NMS: variants seen among roughly 807,000 people sequenced by gnomAD.
NMS encodes the protein neuromedin S.
In NMS, 30 loss-of-function variants were observed where a neutral mutation model predicts 32.2. The observed-to-expected ratio is 0.93, with a 90% CI of 0.70 to 1.26. The LOEUF (loss-of-function observed/expected upper bound fraction) is 1.26. NMS is among the 50% of genes most tolerant of loss of function. The pLI is 0.00. For missense variants in NMS, 190 were observed against 186.3 expected (o/e 1.02, Z -0.12); for synonymous variants, 76 against 58.5 (o/e 1.30, Z -1.37).
At chr2:100,477,688 A>T (rs941139137) in intron 5 of NMS, among the ~76,000 whole-genome samples, 1 of 152,198 alleles carries the variant, frequency 6.6e-6, no homozygotes, top group Admixed American at 6.5e-5. Flanking sequence ...GCACTTAAAC[A>T]GAGGTAAGGA....
intron 8 of NMS, 87 bp from the exon 9 acceptor site, chr2:100,482,190 G>C: frequency 2.3e-6 from 3 of 1,313,772 alleles, no homozygotes; most frequent in Non-Finnish European, 3.3e-6. Context: ...TGAGGCCTTA[G>C]GGTTCAACAG....
chr2:100,475,942 T>A (rs779040795), intron 3 of NMS, among the ~76,000 whole-genome samples: 3 of 145,446 alleles, frequency 2.1e-5, no homozygotes, highest in Non-Finnish European at 4.5e-5. Flanking sequence ...GAGGCTGCAG[T>A]GAGCCAATAT....
intron 3 of NMS, among the ~76,000 whole-genome samples, chr2:100,474,307 C>A (rs1677064794): frequency 6.6e-6 from 1 of 152,020 alleles, no homozygotes; most frequent in Non-Finnish European, 1.5e-5. Context: ...CATAATTTCA[C>A]CTTGAGCCAC....
chr2:100,483,173 T>A, intron 9 of NMS, 79 bp from the exon 10 acceptor site: 1 of 1,300,044 alleles, frequency 7.7e-7, no homozygotes, highest in Non-Finnish European at 1.1e-6. Context: ...ATATGTTACA[T>A]AATAACCTGC....
At chr2:100,481,091 G>A (rs775752868) in intron 7 of NMS, 35 bp from the exon 8 acceptor site, 3 of 1,609,142 alleles carry the variant, frequency 1.9e-6, no homozygotes, top group Non-Finnish European at 2.6e-6. Flanking sequence ...AATGCAATAT[G>A]GTTGCATAAT....
chr2:100,478,223 A>G (rs975387563), intron 5 of NMS, among the ~76,000 whole-genome samples: 4 of 152,112 alleles, frequency 2.6e-5, no homozygotes, highest in Non-Finnish European at 2.9e-5. Flanking sequence ...TGGCCTCCCA[A>G]AGTGCTGGGA....
chr2:100,475,121 C>T (rs1417604560), intron 3 of NMS, among the ~76,000 whole-genome samples: 1 of 152,160 alleles, frequency 6.6e-6, no homozygotes, highest in African/African-American at 2.4e-5. Context: ...CTCCATTTTT[C>T]CAAGTCTATC....
Position 100,476,785 on chromosome 2 carries a change from G to C in NMS, c.184-459G>C, listed in dbSNP as rs139853875. On this transcript the variant is annotated intron_variant, in intron 3 of 9. Coordinates refer to ENST00000376865, the MANE Select transcript of NMS (RefSeq NM_001011717.1). ...GTGCACTGGCAAGGATTTAGAAACG[G>C]AAAATTGGACTTTCTGCAAGGATAG... Among the ~76,000 whole-genome samples the C allele has an allele frequency of 3.7e-3, 563 of 152,300 alleles. 2 individuals carry two copies. Among genetic ancestry groups the C allele is most frequent in the African/African-American group, 0.012 (514 of 41,568 alleles).
At chr2:100,473,837 A>G (rs1434472342) in intron 3 of NMS, among the ~76,000 whole-genome samples, 1 of 152,164 alleles carries the variant, frequency 6.6e-6, no homozygotes, top group Non-Finnish European at 1.5e-5. Flanking sequence ...AAATTGATAT[A>G]CCATGATATA....
chr2:100,482,255 A>AAGTTGC, intron 8 of NMS, 22 bp from the exon 9 acceptor site: 1 of 1,612,742 alleles, frequency 6.2e-7, no homozygotes, highest in Non-Finnish European at 8.5e-7. Flanking sequence ...CAGTATTCAT[A>AAGTTGC]AGTTGCTCCT....
At chr2:100,470,748 CT>C (rs971428950) in intron 1 of NMS, among the ~76,000 whole-genome samples, 184 bp downstream of exon 1, 3 of 152,192 alleles carry the variant, frequency 2.0e-5, no homozygotes, top group African/African-American at 7.2e-5. Context: ...ATGCTGCAGC[CT>C]TTTACTAAAG....
chr2:100,477,019 A>G (rs2104335080), intron 3 of NMS, among the ~76,000 whole-genome samples: 1 of 152,304 alleles, frequency 6.6e-6, no homozygotes, highest in South Asian at 2.1e-4. Context: ...AAATGAGATT[A>G]TATTTTCACA....
At chr2:100,480,367 C>T in intron 6 of NMS, 129 bp from the exon 7 acceptor site, 1 of 897,108 alleles carries the variant, frequency 1.1e-6, no homozygotes. Context: ...CCATGCTCTC[C>T]ACCTCCTCTT....
chr2:100,477,562 C>T (rs1677136365), intron 5 of NMS, 148 bp downstream of exon 5: 2 of 609,832 alleles, frequency 3.3e-6, no homozygotes, highest in Non-Finnish European at 5.7e-6. Context: ...TTCCCTGGGG[C>T]TGCAGGGATT....
chr2:100,483,100 T>A, intron 9 of NMS, 152 bp from the exon 10 acceptor site: 1 of 665,768 alleles, frequency 1.5e-6, no homozygotes, highest in East Asian at 2.7e-5. Context: ...ATCTTGTAAG[T>A]ACTGATTGTG....
At chr2:100,477,463 C>A in intron 5 of NMS, 49 bp downstream of exon 5, 2 of 1,347,926 alleles carry the variant, frequency 1.5e-6, no homozygotes, top group Non-Finnish European at 2.1e-6. Context: ...CTCTCCTCTG[C>A]ATGTCGTCCA....
At chr2:100,480,030 G>T (rs1318479905) in intron 6 of NMS, among the ~76,000 whole-genome samples, 2 of 152,068 alleles carry the variant, frequency 1.3e-5, no homozygotes, top group South Asian at 4.2e-4. Context: ...AAATCCCAGG[G>T]CCCCTAGTAC....
At chr2:100,480,768 A>G (rs1234481139) in intron 7 of NMS, among the ~76,000 whole-genome samples, 4 of 152,150 alleles carry the variant, frequency 2.6e-5, no homozygotes, top group Non-Finnish European at 5.9e-5. Flanking sequence ...AGCCCCAGAG[A>G]TGAGTCCCCT....
chr2:100,480,552 C>T (rs754223400), intron 7 of NMS, 21 bp downstream of exon 7: 15 of 1,612,060 alleles, frequency 9.3e-6, no homozygotes, highest in Admixed American at 3.3e-5. Context: ...GCCTTGGAGA[C>T]TGCGACCCCC....
Sources: gnomAD v4.1 joint callset for allele counts (sites outside exome capture counted in the v4.1 genomes callset) on GRCh38, gnomAD v4.1.1 for gene constraint, MANE v1.5 for transcripts, NCBI Gene and HGNC (gene_info 2026-07-23, HGNC 2026-07-21) for gene names.